The following DOCK2 variants were observed in gnomAD, a reference collection of about 807,000 sequenced individuals.
The protein encoded by DOCK2 is dedicator of cytokinesis protein 2.
DOCK2 carries 87 observed loss-of-function variants against 248.9 expected under a neutral mutation model. The observed-to-expected ratio is 0.35, with a 90% CI of 0.29 to 0.42. The LOEUF is 0.42. Among genes scored for constraint, DOCK2 ranks in the 10% least tolerant of loss-of-function variants. DOCK2 has a pLI of 1.00. For synonymous variants in DOCK2, 805 were observed against 821.6 expected (o/e 0.98, Z 0.35); for missense variants, 1,747 against 2,300.2 (o/e 0.76, Z 4.92).
intron 27 of DOCK2, among the ~76,000 whole-genome samples, chr5:169,856,137 A>G (rs1770878260): frequency 2.0e-5 from 3 of 152,224 alleles, no homozygotes; most frequent in Non-Finnish European, 4.4e-5. Flanking sequence ...CTCTCTGTCA[A>G]CATCTGGGGA....
At chr5:169,736,027 C>T (rs1763022203) in intron 22 of DOCK2, among the ~76,000 whole-genome samples, 1 of 151,692 alleles carries the variant, frequency 6.6e-6, no homozygotes, top group African/African-American at 2.4e-5. Context: ...TTTTAAACAA[C>T]CAGATCTTAT....
intron 27 of DOCK2, among the ~76,000 whole-genome samples, chr5:169,855,612 G>A (rs765390190): frequency 2.0e-5 from 3 of 152,162 alleles, no homozygotes; most frequent in African/African-American, 4.8e-5. Context: ...GCTGTGAGGG[G>A]GTGGAAAATG....
At chr5:170,057,216 C>T (rs920320467) in intron 43 of DOCK2, 3 of 379,668 alleles carry the variant, frequency 7.9e-6, no homozygotes, top group Non-Finnish European at 1.5e-5. Flanking sequence ...AGCTCTTTGG[C>T]CTGGACAGTA....
intron 25 of DOCK2, among the ~76,000 whole-genome samples, chr5:169,800,380 G>A (rs1193527538): frequency 6.6e-6 from 1 of 152,034 alleles, no homozygotes; most frequent in East Asian, 1.9e-4. Context: ...TTATCCACTT[G>A]TCACGGACTG....
chr5:169,789,480 A>G (rs1766192918), intron 25 of DOCK2, among the ~76,000 whole-genome samples: 1 of 152,184 alleles, frequency 6.6e-6, no homozygotes, highest in Admixed American at 6.5e-5. Context: ...CCTTTAGTAC[A>G]CATGGACTGT....
At chr5:170,064,483 G>T (rs981847721) in intron 44 of DOCK2, among the ~76,000 whole-genome samples, 1 of 151,580 alleles carries the variant, frequency 6.6e-6, no homozygotes, top group African/African-American at 2.4e-5. Flanking sequence ...GCCATAGAAG[G>T]GTTCAATAGC....
intron 5 of DOCK2, among the ~76,000 whole-genome samples, chr5:169,673,328 G>T (rs1233728520): frequency 6.6e-6 from 1 of 151,918 alleles, no homozygotes. Context: ...TATCACTCTG[G>T]TCATTGCAGG....
chr5:169,982,268 T>G (rs1386091409), intron 27 of DOCK2, among the ~76,000 whole-genome samples: 1 of 151,916 alleles, frequency 6.6e-6, no homozygotes, highest in Non-Finnish European at 1.5e-5. Context: ...CCAGAATAGA[T>G]CTCCCTGAAT....
In DOCK2 at chr5:170,047,600, C is replaced by T. The variant is rs1206051021; in HGVS notation, c.4057C>T (p.Pro1353Ser). The T allele has an allele frequency of 1.2e-6, 2 of 1,613,854 alleles. No homozygotes were observed. The highest frequency in any genetic ancestry group is 1.7e-5 in the Admixed American group (1 of 59,996). Residue 1353 changes from proline (P) to serine (S), a missense_variant, in exon 40 of 52, where the codon CCC becomes TCC. Coordinates refer to ENST00000520908, the MANE Select transcript of DOCK2 (RefSeq NM_004946.3). Reference sequence around the variant, plus strand: ...TGTTGGATACTACGGCCAGGGATTCCCCTCCTTCCTGCGGGTGAGTTTGGG... The same window carrying T: ...TGTTGGATACTACGGCCAGGGATTCTCCTCCTTCCTGCGGGTGAGTTTGGG... ...FAVGYYGQGF[P>S]SFLRNKVFIY...
chr5:169,823,236 T>C (rs1400506667), intron 26 of DOCK2, among the ~76,000 whole-genome samples: 1 of 152,014 alleles, frequency 6.6e-6, no homozygotes, highest in East Asian at 1.9e-4. Context: ...TTCCAATCAA[T>C]AGAAAAAGAG....
Position 169,985,942 on chromosome 5 carries a change from C to A in DOCK2, c.2993+20C>A. 1 of 1,595,566 alleles carries A rather than the reference C, an allele frequency of 6.3e-7. No homozygotes were observed. Among genetic ancestry groups the A allele is most frequent in the Non-Finnish European group, 8.6e-7 (1 of 1,168,812 alleles). On this transcript the variant is annotated intron_variant, in intron 29 of 51. Coordinates refer to ENST00000520908, the MANE Select transcript of DOCK2 (RefSeq NM_004946.3). ...AAACAGGTGAGCTGCTACCTGCTTC[C>A]GCAAAGCTACCTTACCCAGCCCTCA...
chr5:169,882,997 C>A, intron 27 of DOCK2: 1 of 1,551,646 alleles, frequency 6.4e-7, no homozygotes, highest in Non-Finnish European at 8.7e-7. Flanking sequence ...TGAAGGAACA[C>A]ACGTTTCCTT....
At position 169,933,835 on chromosome 5, in the gene DOCK2, C is replaced by T. The variant is rs530615087; in HGVS notation, c.2800-49233C>T. 2.6e-5 allele frequency among the ~76,000 whole-genome samples: 4 copies of T among 152,254 alleles called. No homozygotes were observed. In the South Asian group the frequency reaches 6.2e-4, roughly 24 times the overall value. On this transcript the variant is annotated intron_variant, in intron 27 of 51. Transcript: ENST00000520908. Reference sequence around the variant, plus strand: ...TGGGGAATGCATGAGGGGTGGCTGGCGTCCAGACTTACTGTAACCAGAGAG... The same window carrying T: ...TGGGGAATGCATGAGGGGTGGCTGGTGTCCAGACTTACTGTAACCAGAGAG...
Position 169,697,587 on chromosome 5 carries a change from A to G in DOCK2, c.980-787A>G, listed in dbSNP as rs564794262. Among the ~76,000 whole-genome samples the G allele has an allele frequency of 1.6e-4, 25 of 152,290 alleles. 1 individual carries two copies. The highest frequency in any genetic ancestry group is 6.8e-3 in the Middle Eastern group (2 of 294). On this transcript the variant is annotated intron_variant, in intron 10 of 51. Transcript: ENST00000520908. ...ATCACAGCCCTGAGGATGGATGAGG[A>G]GAGTCAGTTAGAGAGAATGGATGCT...
chr5:169,972,700 G>C (rs1253082815), intron 27 of DOCK2, among the ~76,000 whole-genome samples: 3 of 152,148 alleles, frequency 2.0e-5, no homozygotes, highest in East Asian at 3.8e-4. Flanking sequence ...ACCTGACATA[G>C]CTCCTTACAC....
intron 27 of DOCK2, among the ~76,000 whole-genome samples, chr5:169,890,338 A>G (rs1773212899): frequency 6.6e-6 from 1 of 152,166 alleles, no homozygotes; most frequent in South Asian, 2.1e-4. Context: ...ACTGTTGATC[A>G]TTCACCTCTG....
chr5:169,981,407 G>A (rs1286243082), intron 27 of DOCK2, among the ~76,000 whole-genome samples: 2 of 152,118 alleles, frequency 1.3e-5, no homozygotes, highest in African/African-American at 4.8e-5. Context: ...AAGGTTTGTG[G>A]CAACCCTGCA....
At chr5:169,996,307 G>A (rs1406540624) in intron 30 of DOCK2, 143 bp downstream of exon 30, 50 of 782,936 alleles carry the variant, frequency 6.4e-5, no homozygotes, top group Non-Finnish European at 3.9e-6. Context: ...GTTATGGCTG[G>A]GGAGAAAATT....
At chr5:169,750,192 G>T (rs1012406820) in intron 23 of DOCK2, among the ~76,000 whole-genome samples, 1 of 152,224 alleles carries the variant, frequency 6.6e-6, no homozygotes, top group Admixed American at 6.5e-5. Flanking sequence ...ATGGAAGAGG[G>T]AATAGGTAAT....
Sources: allele counts gnomAD v4.1 joint callset (sites outside exome capture counted in the v4.1 genomes callset), GRCh38; gene constraint gnomAD v4.1.1; transcripts MANE v1.5; gene names NCBI Gene and HGNC (gene_info 2026-07-23, HGNC 2026-07-21).